TMPRSS12: variants seen among roughly 807,000 people sequenced by gnomAD.
TMPRSS12 encodes the protein transmembrane protease serine 12.
TMPRSS12 carries 25 observed loss-of-function variants against 26.0 expected under a neutral mutation model. That is an observed-to-expected ratio of 0.96 (90% CI 0.70 to 1.34). The LOEUF (loss-of-function observed/expected upper bound fraction) is 1.34. Ranked by LOEUF, TMPRSS12 falls within the 40% of genes most tolerant of loss-of-function variation. TMPRSS12 has a pLI of 0.00. For synonymous variants in TMPRSS12, 150 were observed against 161.7 expected (o/e 0.93, Z 0.55); for missense variants, 441 against 440.1 (o/e 1.00, Z -0.02).
chr12:50,863,729 G>C (rs758710337), intron 3 of TMPRSS12, among the ~76,000 whole-genome samples: 1 of 152,168 alleles, frequency 6.6e-6, no homozygotes, highest in Non-Finnish European at 1.5e-5. Flanking sequence ...TGCAGACAGA[G>C]AATAGATTAG....
At chr12:50,887,213 T>C in intron 4 of TMPRSS12, 49 bp from the exon 5 acceptor site, 1 of 1,570,320 alleles carries the variant, frequency 6.4e-7, no homozygotes, top group Non-Finnish European at 8.6e-7. Context: ...TTACTGTTGC[T>C]TGAAGAATAC....
intron 2 of TMPRSS12, among the ~76,000 whole-genome samples, chr12:50,857,614 AT>A (rs1482280812): frequency 2.6e-5 from 4 of 152,010 alleles, no homozygotes; most frequent in Non-Finnish European, 5.9e-5. Context: ...CGTGGTTTTA[AT>A]TGTTGATTGT....
At position 50,858,694 on chromosome 12, in the gene TMPRSS12, A is replaced by G. The variant is rs142912103; in HGVS notation, c.384-91A>G. The G allele has an allele frequency of 3.5e-5, 36 of 1,031,988 alleles. No individual in the cohort carries two copies. The African/African-American group carries it at 5.7e-4, about 16-fold the overall frequency. 63.9% of individuals were successfully genotyped at this position (1,031,988 alleles called of 1,614,324 possible). ...AAACTGGAATTAAAGTTTTTTATTA[A>G]TCTAACATGAGAAGAAAACTAGTGG... On this transcript the variant is annotated intron_variant, in intron 2 of 4. Coordinates refer to ENST00000398458, the MANE Select transcript of TMPRSS12 (RefSeq NM_182559.3).
At chr12:50,877,503 T>G (rs921591400) in intron 3 of TMPRSS12, among the ~76,000 whole-genome samples, 10 of 152,342 alleles carry the variant, frequency 6.6e-5, no homozygotes, top group African/African-American at 2.4e-4. Context: ...AACAAGTTCG[T>G]TGAGGTTATA....
intron 2 of TMPRSS12, among the ~76,000 whole-genome samples, chr12:50,845,347 C>T (rs994824848): frequency 6.6e-6 from 1 of 152,118 alleles, no homozygotes; most frequent in East Asian, 1.9e-4. Flanking sequence ...TTTTCTCCTG[C>T]TTCTTTGATG....
Position 50,887,348 on chromosome 12 carries a change from T to C in TMPRSS12, c.882T>C (p.Cys294=). 1 of 1,613,952 alleles carries C rather than the reference T, an allele frequency of 6.2e-7. No individual in the cohort carries two copies. The highest frequency in any genetic ancestry group is 1.3e-5 in the African/African-American group (1 of 75,064). Residue 294 remains cysteine (C), a synonymous_variant, in exon 5 of 5, where the codon TGT becomes TGC. Coordinates refer to ENST00000398458, the MANE Select transcript of TMPRSS12 (RefSeq NM_182559.3). ...VMGITSYGHG[C]GRRGFPGVYI... is the part of the protein sequence containing the mutation. ...GAATTACCAGTTACGGACATGGCTG[T>C]GGTCGAAGAGGTTTTCCTGGTGTCT... is the stretch of plus-strand genomic sequence containing the variant.
At chr12:50,857,125 A>G (rs1937886028) in intron 2 of TMPRSS12, among the ~76,000 whole-genome samples, 1 of 152,196 alleles carries the variant, frequency 6.6e-6, no homozygotes, top group Non-Finnish European at 1.5e-5. Context: ...ATATATGCAA[A>G]TTATTTTATA....
At chr12:50,857,122 C>A (rs1937886000) in intron 2 of TMPRSS12, among the ~76,000 whole-genome samples, 1 of 152,122 alleles carries the variant, frequency 6.6e-6, no homozygotes, top group Admixed American at 6.5e-5. Context: ...GCCATATATG[C>A]AAATTATTTT....
intron 1 of TMPRSS12, 32 bp from the exon 2 acceptor site, chr12:50,843,810 C>T (rs372178234): frequency 9.1e-6 from 14 of 1,540,910 alleles, no homozygotes; most frequent in African/African-American, 2.7e-5. Context: ...TATAGATGCT[C>T]AGTCCAAATA....
Position 50,887,538 on chromosome 12 carries a change from T to A in TMPRSS12, c.*25T>A. 6.2e-7 allele frequency: 1 copy of A among 1,600,640 alleles called. No homozygotes were observed. The highest frequency in any genetic ancestry group is 8.5e-7 in the Non-Finnish European group (1 of 1,174,594). ...AAGAAATTCTGAAGGCTTTCATATC[T>A]TTATTTTGCATTGTGTCCCTTTCTA... On this transcript the variant is annotated 3_prime_UTR_variant, in exon 5 of 5. Coordinates refer to ENST00000398458, the MANE Select transcript of TMPRSS12 (RefSeq NM_182559.3).
At chr12:50,867,491 A>C (rs1018326741) in intron 3 of TMPRSS12, among the ~76,000 whole-genome samples, 55 of 152,340 alleles carry the variant, frequency 3.6e-4, no homozygotes, top group African/African-American at 1.3e-3. Context: ...AAACAACCAA[A>C]CCTAAGAATA....
chr12:50,859,396 A>G (rs1366978482), intron 3 of TMPRSS12, among the ~76,000 whole-genome samples: 3 of 151,972 alleles, frequency 2.0e-5, no homozygotes, highest in African/African-American at 7.2e-5. Context: ...TTGTATTTTT[A>G]GTAGAGACGG....
chr12:50,847,473 TTTTA>T (rs1937781946), intron 2 of TMPRSS12, among the ~76,000 whole-genome samples: 1 of 152,174 alleles, frequency 6.6e-6, no homozygotes, highest in African/African-American at 2.4e-5. Flanking sequence ...TTTTTTTTAT[TTTTA>T]TTTATTTTTA....
intron 3 of TMPRSS12, among the ~76,000 whole-genome samples, chr12:50,865,927 A>G (rs917495308): frequency 1.3e-5 from 2 of 152,086 alleles, no homozygotes; most frequent in African/African-American, 2.4e-5. Flanking sequence ...AGACTGCAGA[A>G]CTGATTACTC....
chr12:50,885,311 GA>G lies in TMPRSS12; in HGVS notation c.719del (p.Glu240GlyfsTer7). ...TATTTCTCGAGAGATGTGTAATTCTGAGAGGAGTTATGGGGGAATAATTCCT... is the reference window on the plus strand; with the variant it reads ...TATTTCTCGAGAGATGTGTAATTCTGGAGGAGTTATGGGGGAATAATTCCT... ...HYISREMCNS[E>X]RSYGGIIPNT... On this transcript the variant is annotated frameshift_variant, in exon 4 of 5. Transcript: ENST00000398458. LOFTEE classifies it high-confidence loss of function. 6.2e-7 allele frequency: 1 copy of G among 1,613,306 alleles called. No individual in the cohort carries two copies. The highest frequency in any genetic ancestry group is 8.5e-7 in the Non-Finnish European group (1 of 1,179,688).
chr12:50,887,339 A>G lies in TMPRSS12; in HGVS notation c.873A>G (p.Gly291=), dbSNP rs1178616309. The G allele has an allele frequency of 1.4e-5, 22 of 1,613,838 alleles. No homozygotes were observed. Among genetic ancestry groups the G allele is most frequent in the Non-Finnish European group, 1.8e-5 (21 of 1,179,868 alleles). Residue 291 remains glycine (G), a synonymous_variant, in exon 5 of 5, where the codon GGA becomes GGG. Transcript: ENST00000398458. ...RFFVMGITSY[G]HGCGRRGFPG... is the part of the protein sequence containing the mutation. Reference sequence around the variant, plus strand: ...TTGTAATGGGAATTACCAGTTACGGACATGGCTGTGGTCGAAGAGGTTTTC... The same window carrying G: ...TTGTAATGGGAATTACCAGTTACGGGCATGGCTGTGGTCGAAGAGGTTTTC...
intron 3 of TMPRSS12, among the ~76,000 whole-genome samples, chr12:50,870,462 A>C (rs1172037367): frequency 1.3e-5 from 2 of 152,240 alleles, no homozygotes; most frequent in Non-Finnish European, 2.9e-5. Context: ...CAATGTAATA[A>C]AAGCCATCTA....
chr12:50,872,649 C>CATATATATGACGTATATGTACAT (rs146159837), intron 3 of TMPRSS12, among the ~76,000 whole-genome samples: 1,570 of 52,412 alleles, frequency 0.03, 354 homozygotes, highest in African/African-American at 0.1. Context: ...CGTATATGTA[C>CATATATATGACGTATATGTACAT]ATATATGACG....
intron 3 of TMPRSS12, among the ~76,000 whole-genome samples, chr12:50,882,041 A>G (rs1331707731): frequency 1.6e-5 from 2 of 121,894 alleles, no homozygotes; most frequent in African/African-American, 6.0e-5. Flanking sequence ...ATATATATAT[A>G]TGTTTATTTA....
Sources: allele counts gnomAD v4.1 joint callset (sites outside exome capture counted in the v4.1 genomes callset), GRCh38; gene constraint gnomAD v4.1.1; transcripts MANE v1.5; gene names NCBI Gene and HGNC (gene_info 2026-07-23, HGNC 2026-07-21).